EIF2B3: variants seen among roughly 807,000 people sequenced by gnomAD.
EIF2B3 encodes translation initiation factor eIF2B subunit gamma.
A neutral mutation model predicts 54.1 loss-of-function variants in EIF2B3; 20 were observed. The observed-to-expected ratio is 0.37, with a 90% CI of 0.26 to 0.54. The LOEUF (loss-of-function observed/expected upper bound fraction) is 0.54. EIF2B3 is among the 20% of genes least tolerant of loss of function. EIF2B3 has a pLI of 0.86. For synonymous variants in EIF2B3, 153 were observed against 188.1 expected (o/e 0.81, Z 1.52); for missense variants, 448 against 547.8 (o/e 0.82, Z 1.82).
chr1:44,958,082 ACAATGACTTTT>A (rs1644246686), intron 3 of EIF2B3, among the ~76,000 whole-genome samples: 1 of 152,206 alleles, frequency 6.6e-6, no homozygotes, highest in East Asian at 1.9e-4. Flanking sequence ...TAAAATATGT[ACAATGACTTTT>A]TTTCCTTTCC....
At chr1:44,908,371 T>C (rs960875325) in intron 5 of EIF2B3, among the ~76,000 whole-genome samples, 16 of 152,218 alleles carry the variant, frequency 1.1e-4, no homozygotes, top group Non-Finnish European at 2.1e-4. Flanking sequence ...GTTCTGCCTA[T>C]GACAGGAAAG....
At position 44,869,438 on chromosome 1, in the gene EIF2B3, A is replaced by G. The variant is rs144471997; in HGVS notation, c.1202+5240T>C. On this transcript the variant is annotated intron_variant, in intron 10 of 11. Transcript: ENST00000360403. ...GGTTGCAGCGAGCTGAGATCACGCC[A>G]TTGCACTCCAGCCTTGGTGACAGAG... 1.3e-5 allele frequency among the ~76,000 whole-genome samples: 2 copies of G among 150,784 alleles called. 1 individual carries two copies. Among genetic ancestry groups the G allele is most frequent in the African/African-American group, 4.9e-5 (2 of 40,966 alleles).
chr1:44,913,771 A>G (rs995596255), intron 5 of EIF2B3, among the ~76,000 whole-genome samples: 2 of 151,676 alleles, frequency 1.3e-5, no homozygotes, highest in African/African-American at 4.8e-5. Flanking sequence ...CAAAGTGGAC[A>G]TTAGAGGTGT....
chr1:44,877,000 T>C (rs1376897023), intron 8 of EIF2B3, among the ~76,000 whole-genome samples: 1 of 149,084 alleles, frequency 6.7e-6, no homozygotes, highest in Non-Finnish European at 1.5e-5. Context: ...GAAGGCAGCA[T>C]GCTCGTTAAG....
chr1:44,984,471 A>C (rs77473189), intron 1 of EIF2B3, among the ~76,000 whole-genome samples: 45 of 142,210 alleles, frequency 3.2e-4, no homozygotes, highest in African/African-American at 9.9e-4. Context: ...ACCCTGTCCC[A>C]AAAAAAAAAA....
chr1:44,859,520 T>C (rs932905678), intron 10 of EIF2B3, among the ~76,000 whole-genome samples: 4 of 151,868 alleles, frequency 2.6e-5, no homozygotes, highest in African/African-American at 7.3e-5. Context: ...TAGCCAAGCA[T>C]GGCGGTGCGC....
intron 3 of EIF2B3, among the ~76,000 whole-genome samples, chr1:44,962,459 T>C (rs1164095953): frequency 6.6e-6 from 1 of 152,196 alleles, no homozygotes; most frequent in African/African-American, 2.4e-5. Context: ...ATTGGCCAGG[T>C]TGGGGAGCAG....
intron 9 of EIF2B3, among the ~76,000 whole-genome samples, chr1:44,875,206 A>G (rs1222809793): frequency 2.0e-5 from 3 of 152,172 alleles, no homozygotes; most frequent in African/African-American, 7.2e-5. Flanking sequence ...AAAAAGAAAA[A>G]GAAAATTGGG....
At chr1:44,924,802 T>A (rs1198650484) in intron 5 of EIF2B3, among the ~76,000 whole-genome samples, 1 of 152,240 alleles carries the variant, frequency 6.6e-6, no homozygotes, top group African/African-American at 2.4e-5. Flanking sequence ...TGCATAGTTT[T>A]AAGAAAATTT....
chr1:44,879,877 T>C lies in EIF2B3; in HGVS notation c.916A>G (p.Lys306Glu). Residue 306 changes from lysine (K) to glutamate (E), a missense_variant, in exon 8 of 12, where the codon AAA (lysine) becomes GAA (glutamate). Physicochemically the swap from Lys to Glu is moderately conservative, Grantham distance 56 (BLOSUM62 1). Transcript: ENST00000360403. ...SQVRCYVHIM[K>E]EGLCSRVSTL... ...CTCACTCGAGAGCAGAGCCCCTCTT[T>C]CATGATGTGGACATAGCAGCGCACC... 1 of 1,614,184 alleles carries C rather than the reference T, an allele frequency of 6.2e-7. No homozygotes were observed. Among genetic ancestry groups the C allele is most frequent in the Non-Finnish European group, 8.5e-7 (1 of 1,180,042 alleles).
chr1:44,852,263 CCT>C (rs1573673455), intron 11 of EIF2B3, among the ~76,000 whole-genome samples: 1 of 151,898 alleles, frequency 6.6e-6, no homozygotes, highest in Admixed American at 6.6e-5. Flanking sequence ...CGCACTTGGC[CCT>C]GTTTTATACC....
At chr1:44,891,729 A>G (rs1655803098) in intron 6 of EIF2B3, among the ~76,000 whole-genome samples, 1 of 152,176 alleles carries the variant, frequency 6.6e-6, no homozygotes. Context: ...TCTGCTTGGA[A>G]GCCTTTTATA....
chr1:44,882,345 A>G (rs1400302335), intron 6 of EIF2B3, among the ~76,000 whole-genome samples: 2 of 152,242 alleles, frequency 1.3e-5, no homozygotes, highest in Non-Finnish European at 2.9e-5. Context: ...TGACAGTGAA[A>G]GAAATCTGAC....
chr1:44,885,543 T>G (rs972627550), intron 6 of EIF2B3, among the ~76,000 whole-genome samples: 2 of 152,208 alleles, frequency 1.3e-5, no homozygotes, highest in Non-Finnish European at 2.9e-5. Flanking sequence ...CACCCTGTAA[T>G]TCCATTTCTA....
At chr1:44,855,667 C>T (rs1654411192) in intron 11 of EIF2B3, among the ~76,000 whole-genome samples, 1 of 152,086 alleles carries the variant, frequency 6.6e-6, no homozygotes. Flanking sequence ...AGCAATTCTC[C>T]TGCCTCAACC....
At chr1:44,957,521 G>A (rs373042733) in intron 3 of EIF2B3, among the ~76,000 whole-genome samples, 315 of 152,168 alleles carry the variant, frequency 2.1e-3, no homozygotes, top group African/African-American at 6.9e-3. Flanking sequence ...AGTACTTTAG[G>A]AGGCAGAGGC....
At chr1:44,859,695 G>T (rs1196434092) in intron 10 of EIF2B3, among the ~76,000 whole-genome samples, 1 of 152,060 alleles carries the variant, frequency 6.6e-6, no homozygotes, top group Non-Finnish European at 1.5e-5. Flanking sequence ...AGAAATTTAT[G>T]ACTAACCTTT....
rs1310240790 is a variant in EIF2B3, at chr1:44,860,822, C to T, written c.1203-3015G>A. On this transcript the variant is annotated intron_variant, in intron 10 of 11. Coordinates refer to ENST00000360403, the MANE Select transcript of EIF2B3 (RefSeq NM_020365.5). ...AGGAGGATAGAGAGGGTGTAAGCAC[C>T]CTTTTAACAAAACAAAACTAAGGAA... 2.0e-5 allele frequency among the ~76,000 whole-genome samples: 3 copies of T among 151,908 alleles called. No individual in the cohort carries two copies. In the South Asian group the frequency reaches 6.2e-4, roughly 32 times the overall value.
chr1:44,854,498 G>A (rs1053078680), intron 11 of EIF2B3, among the ~76,000 whole-genome samples: 1 of 151,782 alleles, frequency 6.6e-6, no homozygotes, highest in Non-Finnish European at 1.5e-5. Context: ...ACTGAGTTAC[G>A]AGCCATACTT....
Sources: allele counts gnomAD v4.1 joint callset (sites outside exome capture counted in the v4.1 genomes callset), GRCh38; gene constraint gnomAD v4.1.1; transcripts MANE v1.5; gene names NCBI Gene and HGNC (gene_info 2026-07-23, HGNC 2026-07-21).